Variants in CAPG observed in about 807,000 individuals in gnomAD.
CAPG encodes macrophage-capping protein.
In CAPG, 32 loss-of-function variants were observed where a neutral mutation model predicts 44.6. That is an observed-to-expected ratio of 0.72 (90% CI 0.54 to 0.96). The LOEUF (loss-of-function observed/expected upper bound fraction) is 0.96. Ranked by LOEUF, CAPG falls within the 50% of genes least tolerant of loss-of-function variation. The pLI is 0.00. For synonymous variants in CAPG, 175 were observed against 179.6 expected, an observed-to-expected ratio of 0.97 and a Z score of 0.20; for missense variants, 412 against 438.3, an observed-to-expected ratio of 0.94 and a Z score of 0.54.
chr2:85,391,966 G>C (rs1230211109), downstream of CAPG, among the ~76,000 whole-genome samples: 1 of 152,196 alleles, frequency 6.6e-6, no homozygotes, highest in African/African-American at 2.4e-5. Context: ...CAAGCCCAGA[G>C]ACTCCTTGCA....
chr2:85,419,245 G>A (rs1687660040), upstream of CAPG: 2 of 152,522 alleles, frequency 1.3e-5, no homozygotes, highest in South Asian at 2.1e-4. Flanking sequence ...CAGAGTCAAG[G>A]TGAGGTTAGG....
Position 85,395,559 on chromosome 2 carries a change from CATGCGCGAGATGAA to C in CAPG, c.946_959del (p.Phe316AlafsTer16). Reference sequence around the variant, plus strand: ...TCACCTGAGTGTTCGGGGCGTACTGCATGCGCGAGATGAAGCCCTCGGCCACCTGCAGGGCTGCC... The same window carrying C: ...TCACCTGAGTGTTCGGGGCGTACTGCGCCCTCGGCCACCTGCAGGGCTGCC... On this transcript the variant is annotated frameshift_variant, in exon 9 of 10. Transcript: ENST00000263867. LOFTEE classifies it high-confidence loss of function. The surrounding 1 kb of genome is among the most constrained non-coding windows in gnomAD (Gnocchi z 4.3). The C allele has an allele frequency of 6.2e-7, 1 of 1,613,902 alleles. No individual in the cohort carries two copies. Among genetic ancestry groups the C allele is most frequent in the Non-Finnish European group, 8.5e-7 (1 of 1,179,892 alleles).
chr2:85,398,341 C>T, intron 7 of CAPG, 189 bp from the exon 8 acceptor site: 1 of 646,268 alleles, frequency 1.5e-6, no homozygotes, highest in Non-Finnish European at 2.6e-6. Context: ...TCCCTCTCAT[C>T]ACCCCAATCC....
At chr2:85,403,792 C>T (rs745519000) in intron 1 of CAPG, among the ~76,000 whole-genome samples, 11 of 144,128 alleles carry the variant, frequency 7.6e-5, no homozygotes, top group South Asian at 2.2e-4. Context: ...GAGGCTGAGG[C>T]GGGAAAATTG....
chr2:85,411,149 C>A (rs1178906074), upstream of CAPG, among the ~76,000 whole-genome samples: 2 of 152,200 alleles, frequency 1.3e-5, no homozygotes, highest in Non-Finnish European at 2.9e-5. Context: ...GGCTACTGCA[C>A]CTGGCTAAGC....
In CAPG at chr2:85,398,150, G is replaced by A. The variant is rs1401172182; in HGVS notation, c.762C>T (p.Val254=). Reference sequence around the variant, plus strand: ...GGTTCATCTGTCCAGTGGCATCAGAGACCTGGGGAGGAGGGACAGTGCCTG... The same window carrying A: ...GGTTCATCTGTCCAGTGGCATCAGAAACCTGGGGAGGAGGGACAGTGCCTG... ...ANAQAAALYK[V]SDATGQMNLT... is the part of the protein sequence containing the mutation. The change falls in exon 8 of 10, where the codon GTC becomes GTT. Residue 254 remains valine, a splice_region_variant and synonymous_variant. Transcript: ENST00000263867. The A allele has an allele frequency of 6.2e-7, 1 of 1,613,252 alleles. No homozygotes were observed. The highest frequency in any genetic ancestry group is 8.5e-7 in the Non-Finnish European group (1 of 1,179,832).
chr2:85,398,094 G>A lies in CAPG; in HGVS notation c.818C>T (p.Ala273Val). The change falls in exon 8 of 10, where the codon GCC (alanine) becomes GTC (valine). Residue 273 changes from alanine (A) to valine (V), a missense_variant. Ala to Val is a moderately conservative substitution (Grantham distance 64). Coordinates refer to ENST00000263867, the MANE Select transcript of CAPG (RefSeq NM_001747.4). ...GTCATCAGATATCAGCAGTTCAAGG[G>A]CAAATGGGCTGGAGTCAGCCACCTT... ...LTKVADSSPF[A>V]LELLISDDCF... is the part of the protein sequence containing the mutation. 1.2e-6 allele frequency: 2 copies of A among 1,614,046 alleles called. No homozygotes were observed. Among genetic ancestry groups the A allele is most frequent in the Non-Finnish European group, 1.7e-6 (2 of 1,179,976 alleles).
chr2:85,412,485 C>T (rs1181818494), upstream of CAPG, among the ~76,000 whole-genome samples: 1 of 152,194 alleles, frequency 6.6e-6, no homozygotes, highest in Non-Finnish European at 1.5e-5. Flanking sequence ...TGCACTCCAG[C>T]CTGGGTGACT....
chr2:85,396,892 AG>A (rs1323584973), intron 8 of CAPG, among the ~76,000 whole-genome samples: 1 of 152,090 alleles, frequency 6.6e-6, no homozygotes, highest in African/African-American at 2.4e-5. Flanking sequence ...TGACCAGGCT[AG>A]GGGCTGGCAT....
At chr2:85,403,322 G>C (rs1318901043) in intron 1 of CAPG, among the ~76,000 whole-genome samples, 1 of 152,074 alleles carries the variant, frequency 6.6e-6, no homozygotes, top group Non-Finnish European at 1.5e-5. Context: ...TCTGAACAGT[G>C]GCCATATCTA....
chr2:85,402,250 C>T, intron 1 of CAPG, 92 bp from the exon 2 acceptor site: 2 of 938,296 alleles, frequency 2.1e-6, no homozygotes, highest in South Asian at 2.9e-5. Flanking sequence ...TGGCCAAGTA[C>T]TTTCATATTC....
intron 1 of CAPG, among the ~76,000 whole-genome samples, chr2:85,407,836 GA>G (rs1687234749): frequency 6.6e-6 from 1 of 151,998 alleles, no homozygotes; most frequent in Non-Finnish European, 1.5e-5. Context: ...CAGTGTTTGA[GA>G]AGCTCCAGAT....
intron 1 of CAPG, among the ~76,000 whole-genome samples, chr2:85,405,615 G>A (rs944079357): frequency 1.3e-5 from 2 of 152,200 alleles, no homozygotes; most frequent in Non-Finnish European, 2.9e-5. Flanking sequence ...AACAAAGAGG[G>A]ACAGGTCAAG....
rs1325920631 is a variant in CAPG, at chr2:85,394,797, T to C, written c.*96A>G. On this transcript the variant is annotated 3_prime_UTR_variant, in exon 10 of 10. Transcript: ENST00000263867. ...AAGCACTTGTCTCCTTTATTGAACA[T>C]CTGCAGGGGGCACCTCTGCACTGAC... 1.2e-6 allele frequency: 1 copy of C among 862,596 alleles called. No homozygotes were observed. Among genetic ancestry groups the C allele is most frequent in the East Asian group, 2.4e-5 (1 of 41,442 alleles). The allele number at this position is 862,596 out of a possible 1,614,324, so 53.4% of individuals were successfully genotyped here.
At chr2:85,409,832 C>CT in intron 1 of CAPG, 1 of 152,432 alleles carries the variant, frequency 6.6e-6, no homozygotes, top group Non-Finnish European at 1.5e-5. Context: ...AAATGTGCCA[C>CT]TTGCATTTGA....
intron 1 of CAPG, chr2:85,409,772 C>G (rs1029599825): frequency 2.0e-5 from 3 of 152,314 alleles, no homozygotes; most frequent in African/African-American, 4.8e-5. Context: ...CTACCTCAGA[C>G]AGTCCACCTA....
At position 85,404,936 on chromosome 2, in the gene CAPG, A is replaced by C. The variant is rs1260219347; in HGVS notation, c.-13-2778T>G. Among the ~76,000 whole-genome samples, 770 of 89,516 alleles carry C rather than the reference A, an allele frequency of 8.6e-3. 9 individuals carry two copies. The highest frequency in any genetic ancestry group is 0.036 in the African/African-American group (728 of 20,392). 58.7% of individuals were successfully genotyped at this position (89,516 alleles called of 152,430 possible). ...GGATGACAGAGTAAAACCCCCTCTC[A>C]AAAAAAAAAAAAAAATTTTTTTTTT... On this transcript the variant is annotated intron_variant, in intron 1 of 9. Coordinates refer to ENST00000263867, the MANE Select transcript of CAPG (RefSeq NM_001747.4).
chr2:85,397,724 GAA>G (rs1686671478), intron 8 of CAPG, among the ~76,000 whole-genome samples: 2 of 147,394 alleles, frequency 1.4e-5, no homozygotes, highest in Non-Finnish European at 3.0e-5. Flanking sequence ...AAGAAAGAAA[GAA>G]AGAAAATAGC....
chr2:85,403,731 AC>A (rs1382251269), intron 1 of CAPG, among the ~76,000 whole-genome samples: 1 of 151,930 alleles, frequency 6.6e-6, no homozygotes, highest in Admixed American at 6.6e-5. Context: ...TACTAAAAAT[AC>A]AAAAATTTGC....
Sources: gnomAD v4.1 joint callset for allele counts (sites outside exome capture counted in the v4.1 genomes callset) on GRCh38, gnomAD v4.1.1 for gene constraint, Gnocchi (gnomAD v3.1) non-coding constraint, MANE v1.5 for transcripts, NCBI Gene and HGNC (gene_info 2026-07-23, HGNC 2026-07-21) for gene names.